The following PIP4K2A variants were observed in gnomAD, a reference collection of about 807,000 sequenced individuals.
The protein encoded by PIP4K2A is phosphatidylinositol-5-phosphate 4-kinase type 2 alpha.
In PIP4K2A, 14 loss-of-function variants were observed where a neutral mutation model predicts 42.9. The observed-to-expected ratio is 0.33, with a 90% CI of 0.22 to 0.51. The LOEUF (loss-of-function observed/expected upper bound fraction) is 0.51, where lower values mean the gene tolerates loss of function less well. PIP4K2A is among the 20% of genes least tolerant of loss of function. The probability of loss-of-function intolerance (pLI) is 0.97; values close to 1 mark genes in which losing one functional copy is unlikely to be tolerated. For synonymous variants in PIP4K2A, 192 were observed against 192.2 expected, an observed-to-expected ratio of 1.00 and a Z score of 0.01; for missense variants, 434 against 519.8, an observed-to-expected ratio of 0.83 and a Z score of 1.61.
intron 6 of PIP4K2A, among the ~76,000 whole-genome samples, chr10:22,561,985 T>G (rs1836716751): frequency 6.6e-6 from 1 of 152,186 alleles, no homozygotes; most frequent in African/African-American, 2.4e-5. Context: ...TAAAATGTAG[T>G]AAGTGTTTTT....
chr10:22,551,991 T>G (rs528147502), intron 6 of PIP4K2A, among the ~76,000 whole-genome samples: 1 of 152,374 alleles, frequency 6.6e-6, no homozygotes, highest in South Asian at 2.1e-4. Context: ...ATTATGCATT[T>G]CTAAATTAGT....
chr10:22,558,371 C>A (rs1836604480), intron 6 of PIP4K2A, among the ~76,000 whole-genome samples: 3 of 152,138 alleles, frequency 2.0e-5, no homozygotes, highest in Admixed American at 2.0e-4. Context: ...TTTAGGTAAT[C>A]CTTATGTTGG....
chr10:22,550,877 C>T, intron 6 of PIP4K2A, 105 bp from the exon 7 acceptor site: 1 of 721,684 alleles, frequency 1.4e-6, no homozygotes, highest in African/African-American at 1.8e-5. Flanking sequence ...TTTCACCGCC[C>T]CCACCCCGTT....
intron 1 of PIP4K2A, among the ~76,000 whole-genome samples, chr10:22,665,329 T>C (rs1839325404): frequency 6.6e-6 from 1 of 152,232 alleles, no homozygotes; most frequent in African/African-American, 2.4e-5. Context: ...CTAAACTACA[T>C]CATACAGATC....
intron 1 of PIP4K2A, among the ~76,000 whole-genome samples, chr10:22,675,756 C>T (rs984124250): frequency 3.3e-5 from 5 of 152,212 alleles, no homozygotes; most frequent in Admixed American, 1.3e-4. Flanking sequence ...TGAGCCCTCA[C>T]ATCCACTCTA....
At chr10:22,570,185 T>A (rs1386146922) in intron 5 of PIP4K2A, among the ~76,000 whole-genome samples, 1 of 152,218 alleles carries the variant, frequency 6.6e-6, no homozygotes, top group African/African-American at 2.4e-5. Context: ...CCATATGCCA[T>A]GCCTCACGCT....
In PIP4K2A at chr10:22,614,455, G is replaced by A. The variant is rs114078492; in HGVS notation, c.145-4738C>T. Among the ~76,000 whole-genome samples the A allele has an allele frequency of 2.6e-3, 391 of 152,184 alleles. 2 individuals are homozygous for A. Among genetic ancestry groups the A allele is most frequent in the African/African-American group, 9.1e-3 (376 of 41,518 alleles). On this transcript the variant is annotated intron_variant, in intron 1 of 9. Coordinates refer to ENST00000376573, the MANE Select transcript of PIP4K2A (RefSeq NM_005028.5). The stretch of plus-strand genomic sequence containing the variant: ...TGGCTACTTTATCTTTCTTCCAGGT[G>A]GCCTTTCATTCTTTACATTTGCATC...
chr10:22,644,686 C>T (rs994234851), intron 1 of PIP4K2A, among the ~76,000 whole-genome samples: 6 of 152,210 alleles, frequency 3.9e-5, no homozygotes, highest in Admixed American at 2.6e-4. Flanking sequence ...TTACTTTGTT[C>T]ATTTTTAACA....
intron 1 of PIP4K2A, among the ~76,000 whole-genome samples, chr10:22,640,605 C>T (rs1158738196): frequency 1.3e-5 from 2 of 152,154 alleles, no homozygotes; most frequent in African/African-American, 4.8e-5. Context: ...TAGGGGATTG[C>T]CTGTCCTCTG....
rs561797567 is a variant in PIP4K2A, at chr10:22,582,242, C to T, written c.493-8785G>A. On this transcript the variant is annotated intron_variant, in intron 4 of 9. Coordinates refer to ENST00000376573, the MANE Select transcript of PIP4K2A (RefSeq NM_005028.5). ...ATGTAATGCAATGATAAATTAGAGT[C>T]ATGGAATTAGGCTTTCAAAAACATA... 1.2e-3 allele frequency among the ~76,000 whole-genome samples: 189 copies of T among 151,918 alleles called. 2 individuals carry two copies. The highest frequency in any genetic ancestry group is 4.3e-3 in the African/African-American group (179 of 41,384).
intron 1 of PIP4K2A, among the ~76,000 whole-genome samples, chr10:22,633,790 T>C (rs1366471231): frequency 6.6e-6 from 1 of 152,202 alleles, no homozygotes; most frequent in Admixed American, 6.5e-5. Context: ...TCTCGGATCT[T>C]TGCCCCAGTA....
intron 1 of PIP4K2A, among the ~76,000 whole-genome samples, chr10:22,652,326 GC>G (rs1237082578): frequency 2.0e-5 from 3 of 151,910 alleles, no homozygotes; most frequent in Non-Finnish European, 4.4e-5. Flanking sequence ...TCACCATGTT[GC>G]CCAGGCTGGT....
intron 1 of PIP4K2A, among the ~76,000 whole-genome samples, chr10:22,664,406 T>TA (rs1839310106): frequency 6.6e-6 from 1 of 150,904 alleles, no homozygotes; most frequent in South Asian, 2.1e-4. Context: ...TTATATTTTT[T>TA]ATCTGTGGTT....
chr10:22,687,148 A>T (rs1440396239), intron 1 of PIP4K2A, among the ~76,000 whole-genome samples: 1 of 151,802 alleles, frequency 6.6e-6, no homozygotes, highest in Non-Finnish European at 1.5e-5. Context: ...TCAGATTAAA[A>T]AAAAAAAAAA....
At position 22,537,169 on chromosome 10, in the gene PIP4K2A, A is replaced by C. The variant is rs1835955978; in HGVS notation, c.*32T>G. On this transcript the variant is annotated 3_prime_UTR_variant, in exon 10 of 10. Transcript: ENST00000376573. Reference sequence around the variant, plus strand: ...CACCGAAGCCACCTCTGTCCATCCAATGTTCATGTCTGTCCGAGGCTGCGC... The same window carrying C: ...CACCGAAGCCACCTCTGTCCATCCACTGTTCATGTCTGTCCGAGGCTGCGC... 2 of 1,549,356 alleles carry C rather than the reference A, an allele frequency of 1.3e-6. No individual in the cohort carries two copies. Among genetic ancestry groups the C allele is most frequent in the Non-Finnish European group, 8.8e-7 (1 of 1,131,788 alleles).
At chr10:22,619,851 T>G (rs1451537057) in intron 1 of PIP4K2A, among the ~76,000 whole-genome samples, 2 of 152,236 alleles carry the variant, frequency 1.3e-5, no homozygotes, top group Non-Finnish European at 2.9e-5. Flanking sequence ...CTGAGCTACC[T>G]TCCAATATCT....
intron 4 of PIP4K2A, among the ~76,000 whole-genome samples, chr10:22,578,679 C>T (rs1837182064): frequency 1.3e-5 from 2 of 151,172 alleles, no homozygotes; most frequent in Non-Finnish European, 3.0e-5. Context: ...TCGATAACCC[C>T]CAAACTTATG....
chr10:22,587,112 T>C (rs972752914), intron 4 of PIP4K2A, among the ~76,000 whole-genome samples: 3 of 152,156 alleles, frequency 2.0e-5, no homozygotes, highest in Non-Finnish European at 2.9e-5. Context: ...AGGAAGAATT[T>C]ATTCAAATAT....
chr10:22,652,726 GTTC>G (rs1044403929), intron 1 of PIP4K2A, among the ~76,000 whole-genome samples: 2 of 152,214 alleles, frequency 1.3e-5, no homozygotes, highest in African/African-American at 4.8e-5. Context: ...GAAATGTTAT[GTTC>G]TTAATGAAAA....
Sources: gnomAD v4.1 joint callset for allele counts (sites outside exome capture counted in the v4.1 genomes callset) on GRCh38, gnomAD v4.1.1 for gene constraint, MANE v1.5 for transcripts, NCBI Gene and HGNC (gene_info 2026-07-23, HGNC 2026-07-21) for gene names.